Variants in PCM1 observed in about 807,000 individuals in gnomAD.
PCM1 encodes the protein pericentriolar material 1, also known as pericentriolar material 1 protein.
PCM1 carries 157 observed loss-of-function variants against 241.9 expected under a neutral mutation model. The observed-to-expected ratio is 0.65, with a 90% confidence interval of 0.57 to 0.74. The LOEUF is 0.74. Among genes scored for constraint, PCM1 ranks in the 30% least tolerant of loss-of-function variants. PCM1 has a pLI of 0.00. For synonymous variants in PCM1, 1,085 were observed against 784.9 expected, an observed-to-expected ratio of 1.38 and a Z score of -6.39; for missense variants, 3,478 against 2,360.1, an observed-to-expected ratio of 1.47 and a Z score of -9.81.
intron 6 of PCM1, among the ~76,000 whole-genome samples, chr8:17,941,657 C>G (rs1444171293): frequency 1.3e-5 from 2 of 151,878 alleles, no homozygotes; most frequent in African/African-American, 2.4e-5. Context: ...GAGGAGGCAT[C>G]TTTTAGTCTG....
chr8:18,004,091 G>A (rs1201148909), intron 29 of PCM1, among the ~76,000 whole-genome samples: 1 of 152,046 alleles, frequency 6.6e-6, no homozygotes, highest in Non-Finnish European at 1.5e-5. Flanking sequence ...CTTAGGGAGT[G>A]CAGCCTTCAG....
intron 24 of PCM1, chr8:17,982,784 A>G (rs1415531967): frequency 1.3e-5 from 2 of 152,396 alleles, no homozygotes; most frequent in Non-Finnish European, 2.9e-5. Flanking sequence ...ATGAGCCACC[A>G]TGCCCAGCCC....
Position 18,028,121 on chromosome 8 carries a change from C to A in PCM1, c.*459C>A, listed in dbSNP as rs17593150. The A allele has an allele frequency of 5.8e-3, 1,172 of 201,748 alleles. 5 individuals are homozygous for A. Among genetic ancestry groups the A allele is most frequent in the Non-Finnish European group, 9.0e-3 (878 of 98,086 alleles). 12.5% of individuals were successfully genotyped at this position (201,748 alleles called of 1,614,324 possible). On this transcript the variant is annotated 3_prime_UTR_variant, in exon 39 of 39. Transcript: ENST00000325083. ...CCCATCCATTAGGCCAGTCTTCCAA[C>A]TAATGCCAGTGTTGCTGCTGTTGGG...
rs1564494788 is a variant in PCM1 at position 18,027,959 on chromosome 8, G to C, written c.*297G>C. 1 of 316,586 alleles carries C rather than the reference G, an allele frequency of 3.2e-6. No homozygotes were observed. Among genetic ancestry groups the C allele is most frequent in the African/African-American group, 2.1e-5 (1 of 47,020 alleles). 19.6% of individuals were successfully genotyped at this position (316,586 alleles called of 1,614,324 possible). Reference sequence around the variant, plus strand: ...AAAATGTAGTTTTAAATAAAGTTTGGACTTATCTATAAAGTATCTTTTTTG... The same window carrying C: ...AAAATGTAGTTTTAAATAAAGTTTGCACTTATCTATAAAGTATCTTTTTTG... On this transcript the variant is annotated 3_prime_UTR_variant, in exon 39 of 39. Coordinates refer to ENST00000325083, the MANE Select transcript of PCM1 (RefSeq NM_006197.4).
At chr8:18,005,361 T>TG (rs955775691) in intron 29 of PCM1, among the ~76,000 whole-genome samples, 1 of 151,130 alleles carries the variant, frequency 6.6e-6, no homozygotes, top group Non-Finnish European at 1.5e-5. Context: ...GTTGTTGTTT[T>TG]TTTTTTTTTT....
chr8:18,009,788 A>G (rs766961140), intron 31 of PCM1, 44 bp downstream of exon 31: 45 of 1,181,632 alleles, frequency 3.8e-5, no homozygotes, highest in Non-Finnish European at 4.9e-5. Context: ...TGACACATAA[A>G]TACAGTTCTT....
intron 30 of PCM1, among the ~76,000 whole-genome samples, chr8:18,008,200 C>G (rs919945131): frequency 5.3e-5 from 8 of 152,078 alleles, no homozygotes; most frequent in Non-Finnish European, 4.4e-5. Flanking sequence ...CTCTCATTAC[C>G]GCCTGAGCTC....
At chr8:18,026,675 T>C (rs1474855638) in intron 38 of PCM1, among the ~76,000 whole-genome samples, 5 of 152,170 alleles carry the variant, frequency 3.3e-5, no homozygotes, top group Admixed American at 3.3e-4. Flanking sequence ...ATGACAAGTA[T>C]GTATCTAGCC....
chr8:18,029,421 T>G lies in PCM1; in HGVS notation c.*1759T>G. On this transcript the variant is annotated 3_prime_UTR_variant, in exon 39 of 39. Coordinates refer to ENST00000325083, the MANE Select transcript of PCM1 (RefSeq NM_006197.4). ...GTTACATGCACACTCAAATTCTTTATTTTCTCCACTTTAAGCAGGAAAGGG... is the reference window on the plus strand; with the variant it reads ...GTTACATGCACACTCAAATTCTTTAGTTTCTCCACTTTAAGCAGGAAAGGG... 1 of 217,928 alleles carries G rather than the reference T, an allele frequency of 4.6e-6. No homozygotes were observed. Among genetic ancestry groups the G allele is most frequent in the Non-Finnish European group, 9.2e-6 (1 of 108,372 alleles). The allele number at this position is 217,928 out of a possible 1,614,324, so 13.5% of individuals were successfully genotyped here.
At position 17,939,874 on chromosome 8, in the gene PCM1, C is replaced by T; in HGVS notation, c.783+13C>T. 1.4e-6 allele frequency: 2 copies of T among 1,389,382 alleles called. No individual in the cohort carries two copies. Among genetic ancestry groups the T allele is most frequent in the Non-Finnish European group, 2.0e-6 (2 of 1,013,540 alleles). The allele number at this position is 1,389,382 out of a possible 1,614,324, so 86.1% of individuals were successfully genotyped here. On this transcript the variant is annotated intron_variant, in intron 6 of 38. Coordinates refer to ENST00000325083, the MANE Select transcript of PCM1 (RefSeq NM_006197.4). ...TAAAAAAATCCTTGTAAGTATTCGA[C>T]TTTTAAAATAACATATTATTTTTGT...
chr8:18,016,220 CGAACTAGATGTTTGACAG>C (rs1451895602), intron 36 of PCM1, among the ~76,000 whole-genome samples: 1 of 152,040 alleles, frequency 6.6e-6, no homozygotes, highest in African/African-American at 2.4e-5. Flanking sequence ...ATCCAGAGGT[CGAACTAGATGTTTGACAG>C]TAACTAGACT....
rs2073300127 is a variant in PCM1, at chr8:17,963,180, C to T, written c.2543C>T (p.Ala848Val). The T allele has an allele frequency of 6.2e-7, 1 of 1,611,800 alleles. No homozygotes were observed. Among genetic ancestry groups the T allele is most frequent in the Non-Finnish European group, 8.5e-7 (1 of 1,178,094 alleles). The part of the protein sequence containing the change: ...QRRKQLEALM[A>V]EHQRRQGLAE... ...AGAAAGCAGCTTGAAGCTCTGATGG[C>T]TGAACATCAGAGGAGGCAAGGTCTA... Residue 848 changes from alanine to valine, a missense_variant, in exon 17 of 39, where the codon GCT (alanine) becomes GTT (valine). Ala to Val is a moderately conservative substitution (Grantham distance 64, BLOSUM62 0). Transcript: ENST00000325083.
At chr8:17,964,850 C>T (rs2074190738) in intron 18 of PCM1, 82 bp downstream of exon 18, 3 of 985,204 alleles carry the variant, frequency 3.0e-6, no homozygotes, top group Non-Finnish European at 4.8e-6. Flanking sequence ...CTGCAGTTCT[C>T]CAAGCCAACT....
intron 34 of PCM1, among the ~76,000 whole-genome samples, chr8:18,013,001 T>G (rs1000550564): frequency 2.0e-5 from 3 of 152,214 alleles, no homozygotes; most frequent in South Asian, 2.1e-4. Context: ...AACAGTGATA[T>G]ATCAAAAAGC....
chr8:18,013,586 G>C (rs2092779430), intron 34 of PCM1, among the ~76,000 whole-genome samples: 1 of 152,118 alleles, frequency 6.6e-6, no homozygotes, highest in South Asian at 2.1e-4. Context: ...ACAGTTATGA[G>C]GTGAATCTCA....
At chr8:18,014,868 T>TACA in intron 36 of PCM1, 28 bp downstream of exon 36, 2 of 1,534,068 alleles carry the variant, frequency 1.3e-6, no homozygotes, top group Non-Finnish European at 1.8e-6. Context: ...TTCCAAATAT[T>TACA]TTTACTTTTC....
chr8:18,006,319 T>A lies in PCM1; in HGVS notation c.4884T>A (p.Val1628=). The A allele has an allele frequency of 6.2e-7, 1 of 1,612,814 alleles. No individual in the cohort carries two copies. Among genetic ancestry groups the A allele is most frequent in the Non-Finnish European group, 8.5e-7 (1 of 1,178,992 alleles). The change falls in exon 30 of 39, where the codon GTT becomes GTA. Residue 1628 remains valine (V), a synonymous_variant. Coordinates refer to ENST00000325083, the MANE Select transcript of PCM1 (RefSeq NM_006197.4). ...TTCTAACTTCAGTAAGGCGCATGGT[T>A]TTGACCCTTACCCAGCAAAATGATG... ...SQLLTSVRRM[V]LTLTQQNDES...
chr8:18,018,370 T>A lies in PCM1; in HGVS notation c.5841+3530T>A, dbSNP rs906814028. Among the ~76,000 whole-genome samples the A allele has an allele frequency of 1.2e-4, 18 of 152,290 alleles. No individual in the cohort carries two copies. In the East Asian group the frequency reaches 3.5e-3, roughly 29 times the overall value. On this transcript the variant is annotated intron_variant, in intron 36 of 38. Transcript: ENST00000325083. ...GTTTCTCAACTGACAAAGGGAAGAT[T>A]AAAAGTGGTAAGCCTATAAAAATAC... is the stretch of plus-strand genomic sequence containing the variant.
At chr8:17,946,145 T>G (rs2129454351) in intron 6 of PCM1, among the ~76,000 whole-genome samples, 1 of 152,306 alleles carries the variant, frequency 6.6e-6, no homozygotes, top group Admixed American at 6.5e-5. Context: ...AATTTCATCA[T>G]TTTTTGTAAG....
Sources: gnomAD v4.1 joint callset for allele counts (sites outside exome capture counted in the v4.1 genomes callset) on GRCh38, gnomAD v4.1.1 for gene constraint, MANE v1.5 for transcripts, NCBI Gene and HGNC (gene_info 2026-07-23, HGNC 2026-07-21) for gene names.